R3HDM2: variants seen among roughly 807,000 people sequenced by gnomAD.
The protein encoded by R3HDM2 is R3H domain-containing protein 2.
R3HDM2 carries 38 observed loss-of-function variants against 124.5 expected under a neutral mutation model. That is an observed-to-expected ratio of 0.31 (90% CI 0.24 to 0.40). The LOEUF is 0.40. Among genes scored for constraint, R3HDM2 ranks in the 10% least tolerant of loss-of-function variants. The probability of loss-of-function intolerance (pLI) is 1.00; values close to 1 mark genes in which losing one functional copy is unlikely to be tolerated. For synonymous variants in R3HDM2, 391 were observed against 448.0 expected (o/e 0.87, Z 1.61); for missense variants, 869 against 1,236.9 (o/e 0.70, Z 4.46).
chr12:57,315,940 C>CAA (rs2054913306), intron 2 of R3HDM2, among the ~76,000 whole-genome samples: 2 of 152,128 alleles, frequency 1.3e-5, no homozygotes, highest in South Asian at 4.1e-4. Context: ...GGCAACATGG[C>CAA]AAACCCCATC....
Position 57,280,430 on chromosome 12 carries a change from C to T in R3HDM2, c.1272G>A (p.Gln424=). ...GTGGGAGAGCAGGAAGTTGCTGCTGCTGCTGCTGCTGTTGCTGCTGGGCAG... is the reference window on the plus strand; with the variant it reads ...GTGGGAGAGCAGGAAGTTGCTGCTGTTGCTGCTGCTGTTGCTGCTGGGCAG... ...PCTAQQQQQQ[Q]QQQLPALPPT... Residue 424 remains glutamine (Q), a synonymous_variant, in exon 14 of 24, where the codon CAG becomes CAA. Coordinates refer to ENST00000402412, the MANE Select transcript of R3HDM2 (RefSeq NM_001394031.1). The T allele has an allele frequency of 6.2e-7, 1 of 1,614,104 alleles. No homozygotes were observed. Among genetic ancestry groups the T allele is most frequent in the Non-Finnish European group, 8.5e-7 (1 of 1,179,952 alleles).
chr12:57,342,887 G>A (rs901752564), intron 2 of R3HDM2, among the ~76,000 whole-genome samples: 1 of 152,052 alleles, frequency 6.6e-6, no homozygotes, highest in Non-Finnish European at 1.5e-5. Flanking sequence ...TTTTCATTTT[G>A]GGGCAGAAGG....
At chr12:57,415,868 C>T (rs184071933) in intron 1 of R3HDM2, among the ~76,000 whole-genome samples, 2 of 151,324 alleles carry the variant, frequency 1.3e-5, no homozygotes, top group African/African-American at 4.9e-5. Context: ...ACATGAAAAA[C>T]AAAAAAAACA....
chr12:57,304,708 C>A (rs934701355), intron 3 of R3HDM2, among the ~76,000 whole-genome samples: 1 of 152,126 alleles, frequency 6.6e-6, no homozygotes, highest in African/African-American at 2.4e-5. Context: ...CAACATGGCA[C>A]AAAGATTCAA....
chr12:57,360,548 T>C (rs2137556747), intron 2 of R3HDM2, among the ~76,000 whole-genome samples: 1 of 151,610 alleles, frequency 6.6e-6, no homozygotes, highest in East Asian at 1.9e-4. Context: ...CTTCAGCCTA[T>C]AAGTTCGAGG....
intron 2 of R3HDM2, among the ~76,000 whole-genome samples, chr12:57,347,325 G>GTA (rs2060192735): frequency 6.6e-6 from 1 of 151,948 alleles, no homozygotes; most frequent in Non-Finnish European, 1.5e-5. Context: ...ATATATGTGT[G>GTA]TATATGTGTG....
At chr12:57,267,671 A>G (rs2042780621) in intron 18 of R3HDM2, among the ~76,000 whole-genome samples, 1 of 152,254 alleles carries the variant, frequency 6.6e-6, no homozygotes, top group Admixed American at 6.5e-5. Flanking sequence ...AGGTAAATGC[A>G]CATATACTGG....
intron 1 of R3HDM2, among the ~76,000 whole-genome samples, chr12:57,408,661 T>C (rs911417552): frequency 6.6e-5 from 10 of 152,160 alleles, no homozygotes; most frequent in African/African-American, 9.7e-5. Flanking sequence ...ACATTCCTTA[T>C]ACCACTCTTG....
intron 2 of R3HDM2, among the ~76,000 whole-genome samples, chr12:57,378,768 A>G (rs529745376): frequency 6.6e-6 from 1 of 152,194 alleles, no homozygotes; most frequent in Non-Finnish European, 1.5e-5. Context: ...TCTCAAACAG[A>G]TATTTGTACA....
intron 11 of R3HDM2, among the ~76,000 whole-genome samples, 199 bp from the exon 12 acceptor site, chr12:57,289,239 C>G (rs534117399): frequency 6.6e-6 from 1 of 152,030 alleles, no homozygotes; most frequent in Non-Finnish European, 1.5e-5. Context: ...GAAAGAACAT[C>G]TGGTGGTTTT....
At chr12:57,318,114 A>G (rs1281838545) in intron 2 of R3HDM2, among the ~76,000 whole-genome samples, 3 of 151,662 alleles carry the variant, frequency 2.0e-5, no homozygotes, top group Non-Finnish European at 4.4e-5. Flanking sequence ...ATATGGTCAA[A>G]CCCCATCTCT....
chr12:57,387,734 AG>A (rs1408529358), intron 2 of R3HDM2, among the ~76,000 whole-genome samples: 1 of 152,242 alleles, frequency 6.6e-6, no homozygotes, highest in African/African-American at 2.4e-5. Flanking sequence ...CAGTTTGGAA[AG>A]AAAAAGTTCT....
At chr12:57,391,681 T>A (rs553819408) in intron 2 of R3HDM2, among the ~76,000 whole-genome samples, 4 of 152,246 alleles carry the variant, frequency 2.6e-5, no homozygotes, top group African/African-American at 9.6e-5. Context: ...ATGTTACCAA[T>A]GGAAGACACT....
chr12:57,276,054 A>G (rs2044638594), intron 14 of R3HDM2, among the ~76,000 whole-genome samples: 1 of 152,016 alleles, frequency 6.6e-6, no homozygotes, highest in African/African-American at 2.4e-5. Context: ...CGTCTCTACT[A>G]AAAATACAAA....
chr12:57,296,177 CTT>C lies in R3HDM2; in HGVS notation c.701+232_701+233del, dbSNP rs113140082. 7.0e-6 allele frequency among the ~76,000 whole-genome samples: 1 copy of C among 143,398 alleles called. No homozygotes were observed. The highest frequency in any genetic ancestry group is 2.5e-5 in the African/African-American group (1 of 39,354). 94.1% of individuals were successfully genotyped at this position (143,398 alleles called of 152,430 possible). ...GCCACTGCGCCCGGCCATTTTTAAA[CTT>C]TTTTTTTTTTTTTAAAGTAATAGAG... On this transcript the variant is annotated intron_variant, in intron 9 of 23. Transcript: ENST00000402412. This position sits in a 1 kb window ranked among gnomAD's most constrained non-coding sequence, Gnocchi z 4.5.
At position 57,427,270 on chromosome 12, in the gene R3HDM2, G is replaced by A. The variant is rs112738669; in HGVS notation, c.-106+3450C>T. On this transcript the variant is annotated intron_variant, in intron 1 of 23. Transcript: ENST00000402412. Reference sequence around the variant, plus strand: ...CGTGCCACTGCACTCCAGCCTGGGCGACAGACAGAGGTTCTGTCTCAAAAA... The same window carrying A: ...CGTGCCACTGCACTCCAGCCTGGGCAACAGACAGAGGTTCTGTCTCAAAAA... 5.0e-3 allele frequency among the ~76,000 whole-genome samples: 726 copies of A among 145,784 alleles called. 5 individuals are homozygous for A. Among genetic ancestry groups the A allele is most frequent in the African/African-American group, 0.017 (687 of 39,628 alleles).
intron 7 of R3HDM2, chr12:57,297,628 C>A: frequency 7.3e-6 from 3 of 411,124 alleles, no homozygotes; most frequent in South Asian, 4.5e-5. Context: ...TTTGTTATAC[C>A]ATATCAGAAA....
At chr12:57,365,455 A>G (rs1022087625) in intron 2 of R3HDM2, among the ~76,000 whole-genome samples, 2 of 152,026 alleles carry the variant, frequency 1.3e-5, no homozygotes, top group Non-Finnish European at 2.9e-5. Context: ...TATATTTAAC[A>G]TGTTTTATTT....
chr12:57,397,969 C>G (rs935595319), intron 1 of R3HDM2, among the ~76,000 whole-genome samples: 2 of 152,120 alleles, frequency 1.3e-5, no homozygotes, highest in East Asian at 1.9e-4. Flanking sequence ...GAATCACGAG[C>G]TCAGGAGTTC....
Sources: allele counts gnomAD v4.1 joint callset (sites outside exome capture counted in the v4.1 genomes callset), GRCh38; gene constraint gnomAD v4.1.1; non-coding constraint Gnocchi (gnomAD v3.1); transcripts MANE v1.5; gene names NCBI Gene and HGNC (gene_info 2026-07-23, HGNC 2026-07-21).